Variants in DNASE1L2 observed in about 807,000 individuals in gnomAD.
DNASE1L2 encodes the protein deoxyribonuclease 1 like 2, also known as deoxyribonuclease-1-like 2.
DNASE1L2 carries 35 observed loss-of-function variants against 31.8 expected under a neutral mutation model. The ratio of observed to expected loss-of-function variants is 1.10; its 90% CI spans 0.84 to 1.46. DNASE1L2 has a LOEUF of 1.46. DNASE1L2 is among the 40% of genes most tolerant of loss of function. The probability of loss-of-function intolerance (pLI) is 0.00; values close to 1 mark genes in which losing one functional copy is unlikely to be tolerated. For missense variants in DNASE1L2, 504 were observed against 418.8 expected (o/e 1.20, Z -1.77); for synonymous variants, 211 against 186.5 (o/e 1.13, Z -1.07).
rs770170745 is a variant in DNASE1L2 at position 2,237,490 on chromosome 16, G to A, written c.432G>A (p.Pro144=). 4.9e-6 allele frequency: 5 copies of A among 1,028,362 alleles called. No individual in the cohort carries two copies. Among genetic ancestry groups the A allele is most frequent in the South Asian group, 1.3e-5 (1 of 77,152 alleles). 63.7% of individuals were successfully genotyped at this position (1,028,362 alleles called of 1,614,324 possible). Residue 144 remains proline, a synonymous_variant, in exon 5 of 7, where the codon CCG becomes CCA. Transcript: ENST00000320700. ...FSAPGTGERA[P]PLPSRRALTP... ...CCCCCGGCACCGGTGAGCGGGCCCC[G>A]CCCCTCCCCTCCCGCCGAGCTCTGA...
rs994938089 is a variant in DNASE1L2 at position 2,238,561 on chromosome 16, T to C, written c.*143T>C. 2.1e-6 allele frequency: 2 copies of C among 954,182 alleles called. No individual in the cohort carries two copies. The highest frequency in any genetic ancestry group is 3.2e-5 in the African/African-American group (2 of 61,616). The allele number at this position is 954,182 out of a possible 1,614,324, so 59.1% of individuals were successfully genotyped here. ...GCGTGGACCAGGGGCCATGGACACG[T>C]GATGTGCTGCTCTGTACCTCCGTTC... is the stretch of plus-strand genomic sequence containing the variant. On this transcript the variant is annotated 3_prime_UTR_variant, in exon 7 of 7. Transcript: ENST00000320700.
Position 2,237,606 on chromosome 16 carries a change from T to C in DNASE1L2, c.548T>C (p.Leu183Pro), listed in dbSNP as rs200149634. ...CAAGCCGTGGCGGAGATCGACGCGC[T>C]CTACGACGTGTACCTGGACGTGATC... Reference protein sequence around the residue: ...PHQAVAEIDALYDVYLDVIDK... With the variant: ...PHQAVAEIDAPYDVYLDVIDK... The change falls in exon 5 of 7, where the codon CTC (leucine) becomes CCC (proline). Residue 183 changes from leucine (L) to proline (P), a missense_variant. Coordinates refer to ENST00000320700, the MANE Select transcript of DNASE1L2 (RefSeq NM_001374.3). 766 of 1,610,894 alleles carry C rather than the reference T, an allele frequency of 4.8e-4. No individual in the cohort carries two copies. Among genetic ancestry groups the C allele is most frequent in the Admixed American group, 1.4e-3 (83 of 59,862 alleles).
Position 2,237,224 on chromosome 16 carries a change from C to A in DNASE1L2, c.240C>A (p.Ser80=). 6.3e-7 allele frequency: 1 copy of A among 1,574,826 alleles called. No individual in the cohort carries two copies. The highest frequency in any genetic ancestry group is 8.6e-7 in the Non-Finnish European group (1 of 1,160,908). Residue 80 remains serine, a synonymous_variant, in exon 4 of 7, where the codon TCC becomes TCA. Transcript: ENST00000320700. Reference sequence around the variant, plus strand: ...CGGGCCCCTGTCTCCGCAGCGTGTCCGAGCACGAGTACAGCTTTGTGAGCA... The same window carrying A: ...CGGGCCCCTGTCTCCGCAGCGTGTCAGAGCACGAGTACAGCTTTGTGAGCA... The part of the protein sequence containing the change: ...SALMEQINSV[S]EHEYSFVSSQ...
At chr16:2,236,738 G>C in intron 1 of DNASE1L2, 40 bp from the exon 2 acceptor site, 3 of 1,464,420 alleles carry the variant, frequency 2.0e-6, no homozygotes, top group Non-Finnish European at 2.7e-6. Context: ...GCCGCGGAGG[G>C]AAGGGGTGGG....
chr16:2,237,088 C>T lies in DNASE1L2; in HGVS notation c.195C>T (p.Asp65=). ...TGGTGCAGGAGGTGCGAGACCCAGA[C>T]CTCAGCGCCGTGTCCGCGCTCATGG... ...LALVQEVRDP[D]LSAVSALMEQ... is the part of the protein sequence containing the mutation. Residue 65 remains aspartate, a synonymous_variant, in exon 3 of 7, where the codon GAC becomes GAT. Transcript: ENST00000320700. 6.5e-7 allele frequency: 1 copy of T among 1,549,976 alleles called. No individual in the cohort carries two copies. The highest frequency in any genetic ancestry group is 8.7e-7 in the Non-Finnish European group (1 of 1,147,270).
rs1431921325 is a variant in DNASE1L2, at chr16:2,237,144, C to T, written c.233+18C>T. The T allele has an allele frequency of 6.5e-7, 1 of 1,548,136 alleles. No homozygotes were observed. Among genetic ancestry groups the T allele is most frequent in the Non-Finnish European group, 8.7e-7 (1 of 1,146,556 alleles). On this transcript the variant is annotated intron_variant, in intron 3 of 6. Transcript: ENST00000320700. Reference sequence around the variant, plus strand: ...ATCAACAGGTGTGGTGGGCAGGGCCCCTCGTCGCGACCCCCCGCCGGGATC... The same window carrying T: ...ATCAACAGGTGTGGTGGGCAGGGCCTCTCGTCGCGACCCCCCGCCGGGATC...
At position 2,238,352 on chromosome 16, in the gene DNASE1L2, G is replaced by C; in HGVS notation, c.844-10G>C. ...GCACTTTTCCCCTGAGGCTCACTCT[G>C]TCCCCACAGGCTCTTGCCATCAGCG... On this transcript the variant is annotated splice_polypyrimidine_tract_variant and intron_variant, in intron 6 of 6. Transcript: ENST00000320700. 3.7e-6 allele frequency: 6 copies of C among 1,613,230 alleles called. No individual in the cohort carries two copies. Among genetic ancestry groups the C allele is most frequent in the Non-Finnish European group, 4.2e-6 (5 of 1,179,916 alleles).
In DNASE1L2 at chr16:2,237,985, C is replaced by T. The variant is rs756732982; in HGVS notation, c.810C>T (p.Asp270=). 2.0e-5 allele frequency: 32 copies of T among 1,606,190 alleles called. No individual in the cohort carries two copies. The East Asian group carries it at 7.0e-4, about 35-fold the overall frequency. Residue 270 remains aspartate (D), a synonymous_variant, in exon 6 of 7, where the codon GAC becomes GAT. Transcript: ENST00000320700. ...AGCCCCAGTCGGCCACCGTGCACGA[C>T]TTCCAGGAGGAATTCGGCCTGGACC... ...SLKPQSATVH[D]FQEEFGLDQT...
At position 2,237,893 on chromosome 16, in the gene DNASE1L2, G is replaced by A. The variant is rs753314287; in HGVS notation, c.718G>A (p.Val240Met). The A allele has an allele frequency of 5.6e-6, 9 of 1,612,668 alleles. No individual in the cohort carries two copies. The South Asian group carries it at 7.7e-5, about 14-fold the overall frequency. The change falls in exon 6 of 7, where the codon GTG (valine) becomes ATG (methionine). Residue 240 changes from valine to methionine, a missense_variant. Transcript: ENST00000320700. The stretch of plus-strand genomic sequence containing the variant: ...CATCCCTGACAGCGCCGACACCACG[G>A]TGGGCAACTCAGACTGCGCCTACGA... ...WLIPDSADTT[V>M]GNSDCAYDRI...
rs761890431 is a variant in DNASE1L2 at position 2,237,865 on chromosome 16, G to A, written c.690G>A (p.Trp230Ter). Residue 230 changes from tryptophan (W) to a stop codon, truncating the protein, a stop_gained, in exon 6 of 7, where the codon TGG becomes TGA. Transcript: ENST00000320700. LOFTEE classifies it high-confidence loss of function. ...TGAGGAGCAGTGAGGTCTTCAAGTGGCTCATCCCTGACAGCGCCGACACCA... is the reference window on the plus strand; with the variant it reads ...TGAGGAGCAGTGAGGTCTTCAAGTGACTCATCCCTGACAGCGCCGACACCA... Reference protein sequence around the residue: ...IRLRSSEVFKWLIPDSADTTV... With the variant: ...IRLRSSEVFK 32 of 1,612,562 alleles carry A rather than the reference G, an allele frequency of 2.0e-5. No individual in the cohort carries two copies. The highest frequency in any genetic ancestry group is 2.7e-5 in the Non-Finnish European group (32 of 1,179,850).
intron 3 of DNASE1L2, 40 bp downstream of exon 3, chr16:2,237,166 G>T (rs144134171): frequency 1.3e-6 from 2 of 1,548,844 alleles, no homozygotes; most frequent in African/African-American, 2.7e-5. Flanking sequence ...CCCCCGCCGG[G>T]ATCTCGCCCC....
rs1451094877 is a variant in DNASE1L2, at chr16:2,238,566, T to C, written c.*148T>C. The C allele has an allele frequency of 4.4e-6, 4 of 905,188 alleles. No individual in the cohort carries two copies. The highest frequency in any genetic ancestry group is 7.0e-6 in the Non-Finnish European group (4 of 574,726). 56.1% of individuals were successfully genotyped at this position (905,188 alleles called of 1,614,324 possible). A position where few individuals can be genotyped will look rare whatever the true frequency, so the allele number is the denominator to read the frequency against. ...GACCAGGGGCCATGGACACGTGATG[T>C]GCTGCTCTGTACCTCCGTTCCCCAT... On this transcript the variant is annotated 3_prime_UTR_variant, in exon 7 of 7. Coordinates refer to ENST00000320700, the MANE Select transcript of DNASE1L2 (RefSeq NM_001374.3).
At position 2,237,494 on chromosome 16, in the gene DNASE1L2, C is replaced by CCA; in HGVS notation, c.436_437insCA (p.Leu146ProfsTer8). 6.4e-7 allele frequency: 1 copy of CCA among 1,567,124 alleles called. No individual in the cohort carries two copies. Among genetic ancestry groups the CCA allele is most frequent in the Middle Eastern group, 1.7e-4 (1 of 5,992 alleles). On this transcript the variant is annotated frameshift_variant, in exon 5 of 7. Coordinates refer to ENST00000320700, the MANE Select transcript of DNASE1L2 (RefSeq NM_001374.3). LOFTEE classifies it high-confidence loss of function. The stretch of plus-strand genomic sequence containing the variant: ...CGGCACCGGTGAGCGGGCCCCGCCC[C>CCA]TCCCCTCCCGCCGAGCTCTGACGCC...
Position 2,237,522 on chromosome 16 carries a change from C to CA in DNASE1L2, c.465dup (p.Pro156ThrfsTer71), listed in dbSNP as rs1337077875. The CA allele has an allele frequency of 1.9e-6, 3 of 1,594,586 alleles. No homozygotes were observed. Among genetic ancestry groups the CA allele is most frequent in the African/African-American group, 1.3e-5 (1 of 74,492 alleles). ...CCCTCCCGCCGAGCTCTGACGCCCC[C>CA]ACCCCTTCCCGCAGCAGCACAGAAC... On this transcript the variant is annotated frameshift_variant, in exon 5 of 7. Transcript: ENST00000320700. LOFTEE classifies it high-confidence loss of function.
intron 3 of DNASE1L2, 27 bp downstream of exon 3, chr16:2,237,153 G>A: frequency 6.5e-7 from 1 of 1,547,928 alleles, no homozygotes; most frequent in Non-Finnish European, 8.7e-7. Context: ...CCCTCGTCGC[G>A]ACCCCCCGCC....
In DNASE1L2 at chr16:2,236,810, C is replaced by T; in HGVS notation, c.-7C>T. On this transcript the variant is annotated 5_prime_UTR_variant, in exon 2 of 7. Coordinates refer to ENST00000320700, the MANE Select transcript of DNASE1L2 (RefSeq NM_001374.3). ...CGTCTGTCCCTCCCAGCCTCTCGCTCCGCGCCATGGGCGGGCCCCGGGCTC... is the reference window on the plus strand; with the variant it reads ...CGTCTGTCCCTCCCAGCCTCTCGCTTCGCGCCATGGGCGGGCCCCGGGCTC... 6.3e-7 allele frequency: 1 copy of T among 1,592,890 alleles called. No individual in the cohort carries two copies. Among genetic ancestry groups the T allele is most frequent in the Non-Finnish European group, 8.5e-7 (1 of 1,172,668 alleles).
At chr16:2,238,292 G>C in intron 6 of DNASE1L2, 70 bp from the exon 7 acceptor site, 2 of 1,598,128 alleles carry the variant, frequency 1.3e-6, no homozygotes, top group Non-Finnish European at 1.7e-6. Context: ...GGGCACCCAG[G>C]CCTCACCGGC....
intron 5 of DNASE1L2, 31 bp from the exon 6 acceptor site, chr16:2,237,736 C>A: frequency 3.1e-6 from 5 of 1,595,286 alleles, no homozygotes; most frequent in Non-Finnish European, 4.3e-6. Context: ...GCTCCTGCGG[C>A]GGCTCAGACA....
Position 2,237,559 on chromosome 16 carries a change from C to A in DNASE1L2, c.501C>A (p.Ile167=). Residue 167 remains isoleucine (I), a synonymous_variant, in exon 5 of 7, where the codon ATC becomes ATA. Coordinates refer to ENST00000320700, the MANE Select transcript of DNASE1L2 (RefSeq NM_001374.3). ...LPAAAQNLVL[I]PLHAAPHQAV... ...CAGCAGCACAGAACCTGGTGCTGAT[C>A]CCGCTGCACGCGGCGCCGCATCAAG... 6.4e-7 allele frequency: 1 copy of A among 1,561,516 alleles called. No homozygotes were observed. Among genetic ancestry groups the A allele is most frequent in the Non-Finnish European group, 8.7e-7 (1 of 1,149,714 alleles).
Sources: allele counts gnomAD v4.1 joint callset, GRCh38; gene constraint gnomAD v4.1.1; transcripts MANE v1.5; gene names NCBI Gene and HGNC (gene_info 2026-07-23, HGNC 2026-07-21).